Variants in PDE4DIP observed in about 807,000 individuals in gnomAD.
The protein encoded by PDE4DIP is phosphodiesterase 4D interacting protein.
A neutral mutation model predicts 221.4 loss-of-function variants in PDE4DIP; 59 were observed. The ratio of observed to expected loss-of-function variants is 0.27; its 90% CI spans 0.22 to 0.33. The LOEUF (loss-of-function observed/expected upper bound fraction) is 0.33. PDE4DIP is among the 10% of genes least tolerant of loss of function. The pLI is 1.00. For missense variants in PDE4DIP, 1,036 were observed against 2,154.2 expected, an observed-to-expected ratio of 0.48 and a Z score of 10.28; for synonymous variants, 404 against 815.9, an observed-to-expected ratio of 0.50 and a Z score of 8.60.
intron 21 of PDE4DIP, chr1:148,984,866 C>T (rs1371925823): frequency 3.3e-5 from 5 of 152,006 alleles, no homozygotes; most frequent in South Asian, 2.1e-4. Context: ...CTTGTTTTCT[C>T]GTTTCATGGT....
At chr1:149,032,828 CTG>C (rs2077016735) in exon 44 of PDE4DIP, 1 of 207,402 alleles carries the variant, frequency 4.8e-6, no homozygotes, top group Non-Finnish European at 9.8e-6. Context: ...AAAGCCTAGT[CTG>C]TGTCTTCACA....
intron 17 of PDE4DIP, 144 bp from the exon 21 acceptor site, chr1:148,977,793 A>G (rs1360322939): frequency 4.7e-6 from 6 of 1,272,466 alleles, no homozygotes; most frequent in Non-Finnish European, 6.5e-6. Flanking sequence ...ACTATACTGC[A>G]TGGATTATTG....
At chr1:148,972,685 T>C (rs2059434182) in intron 16 of PDE4DIP, 93 bp downstream of exon 19, 1 of 488,828 alleles carries the variant, frequency 2.0e-6, no homozygotes. Flanking sequence ...CCAAGACTCT[T>C]TTCTCTTCCT....
intron 5 of PDE4DIP, chr1:148,953,383 G>A (rs1419869299): frequency 1.9e-6 from 3 of 1,614,116 alleles, no homozygotes; most frequent in African/African-American, 1.3e-5. Context: ...CTTCTAGCAG[G>A]TGGTCGACCA....
chr1:148,953,182 C>G, intron 5 of PDE4DIP: 3 of 1,614,084 alleles, frequency 1.9e-6, no homozygotes, highest in Non-Finnish European at 2.5e-6. Flanking sequence ...AGGACTTCGC[C>G]TATTCAGGGT....
intron 21 of PDE4DIP, chr1:148,985,605 G>A (rs1245290993): frequency 6.6e-6 from 1 of 152,126 alleles, no homozygotes; most frequent in Admixed American, 6.6e-5. Context: ...AATGGGAAAT[G>A]GAAGGGAACA....
intron 5 of PDE4DIP, among the ~76,000 whole-genome samples, chr1:148,948,838 CCT>C (rs1488930605): frequency 6.6e-6 from 1 of 151,910 alleles, no homozygotes; most frequent in East Asian, 1.9e-4. Context: ...CACTTCTCAC[CCT>C]GTCTCTCACC....
intron 1 of PDE4DIP, among the ~76,000 whole-genome samples, chr1:148,818,070 TC>T (rs1317296416): frequency 6.7e-6 from 1 of 150,068 alleles, no homozygotes; most frequent in African/African-American, 2.5e-5. Context: ...GCCCGCCTCC[TC>T]CCAAAGTGCT....
chr1:148,927,553 T>C (rs1250864816), intron 1 of PDE4DIP, among the ~76,000 whole-genome samples: 2 of 152,118 alleles, frequency 1.3e-5, no homozygotes, highest in Admixed American at 6.5e-5. Flanking sequence ...TATTGTATGT[T>C]GCCTTGGACT....
chr1:148,813,492 A>T (rs2149709497), intron 1 of PDE4DIP, among the ~76,000 whole-genome samples: 1 of 88,142 alleles, frequency 1.1e-5, no homozygotes, highest in African/African-American at 3.9e-5. Flanking sequence ...TTCTTTGCAA[A>T]TATTTTCTCC....
chr1:148,838,656 T>G (rs1187539502), intron 1 of PDE4DIP, among the ~76,000 whole-genome samples: 9 of 130,012 alleles, frequency 6.9e-5, no homozygotes, highest in Non-Finnish European at 1.5e-4. Flanking sequence ...TTAGCCCACT[T>G]TTTTTTCTTT....
At position 149,029,844 on chromosome 1, in the gene PDE4DIP, C is replaced by T. The variant is rs782089136; in HGVS notation, c.6871C>T (p.Arg2291Ter). ...GAGAACCAAAGTATCCAAACAGGAG[C>T]GACTCCTTCAGAGCACAACTGAGCA... is the stretch of plus-strand genomic sequence containing the variant. The change falls in exon 42 of 44, where the codon CGA becomes TGA. Residue 2291 changes from arginine to a stop codon, truncating the protein, a stop_gained. Transcript: ENST00000369354. LOFTEE classifies it high-confidence loss of function. 77 of 1,608,226 alleles carry T rather than the reference C, an allele frequency of 4.8e-5. No homozygotes were observed. Among genetic ancestry groups the T allele is most frequent in the South Asian group, 3.2e-4 (29 of 90,720 alleles).
At chr1:148,977,813 T>C in intron 17 of PDE4DIP, 124 bp from the exon 21 acceptor site, 3 of 1,407,052 alleles carry the variant, frequency 2.1e-6, no homozygotes, top group South Asian at 1.4e-5. Context: ...GGTTTGATGC[T>C]GTAGAGCCCT....
At chr1:148,973,167 C>T (rs2059524418) in intron 16 of PDE4DIP, among the ~76,000 whole-genome samples, 1 of 142,142 alleles carries the variant, frequency 7.0e-6, no homozygotes, top group Admixed American at 7.0e-5. Context: ...ATGCCTTTTG[C>T]TTCTAGGACC....
chr1:148,983,562 T>C (rs1210941936), intron 21 of PDE4DIP: 1 of 152,554 alleles, frequency 6.6e-6, no homozygotes, highest in African/African-American at 2.4e-5. Flanking sequence ...TGTGTGATAA[T>C]TTGGCATCTG....
At chr1:148,820,466 GC>G in intron 1 of PDE4DIP, among the ~76,000 whole-genome samples, 1 of 147,834 alleles carries the variant, frequency 6.8e-6, no homozygotes, top group East Asian at 2.0e-4. Context: ...TACTCAGGAG[GC>G]TGAGGCAGGA....
At chr1:148,987,982 T>C (rs2062210996) in intron 21 of PDE4DIP, among the ~76,000 whole-genome samples, 2 of 152,180 alleles carry the variant, frequency 1.3e-5, no homozygotes, top group South Asian at 4.1e-4. Context: ...AAGACAGTTA[T>C]CATTTAATGA....
At chr1:148,893,130 A>G (rs1203129628) in intron 1 of PDE4DIP, among the ~76,000 whole-genome samples, 14 of 124,918 alleles carry the variant, frequency 1.1e-4, no homozygotes, top group Admixed American at 9.3e-4. Flanking sequence ...TTTTTTTGGC[A>G]GAGATTGAGG....
chr1:148,940,476 T>G (rs1228982760), intron 5 of PDE4DIP, among the ~76,000 whole-genome samples: 7 of 151,734 alleles, frequency 4.6e-5, no homozygotes, highest in Admixed American at 3.3e-4. Flanking sequence ...CCTACCCTTT[T>G]TCATAGAAAA....
Sources: gnomAD v4.1 joint callset for allele counts (sites outside exome capture counted in the v4.1 genomes callset) on GRCh38, gnomAD v4.1.1 for gene constraint, MANE v1.5 for transcripts, NCBI Gene and HGNC (gene_info 2026-07-23, HGNC 2026-07-21) for gene names.